Variants in ADGRV1 observed in about 807,000 individuals in gnomAD.
The protein encoded by ADGRV1 is G-protein coupled receptor 98.
ADGRV1 carries 359 observed loss-of-function variants against 596.2 expected under a neutral mutation model. The ratio of observed to expected loss-of-function variants is 0.60; its 90% CI spans 0.55 to 0.66. The LOEUF (loss-of-function observed/expected upper bound fraction) is 0.66, where lower values mean the gene tolerates loss of function less well. Among genes scored for constraint, ADGRV1 ranks in the 30% least tolerant of loss-of-function variants. The pLI is 0.00. For missense variants in ADGRV1, 7,274 were observed against 7,575.6 expected, an observed-to-expected ratio of 0.96 and a Z score of 1.48; for synonymous variants, 2,681 against 2,679.2, an observed-to-expected ratio of 1.00 and a Z score of -0.02.
chr5:90,863,955 T>A (rs1767850758), intron 83 of ADGRV1, 98 bp downstream of exon 83: 1 of 771,346 alleles, frequency 1.3e-6, no homozygotes, highest in Admixed American at 2.3e-5. Context: ...TAATCTCAAC[T>A]TAGTTGAAAT....
At chr5:90,913,075 G>A (rs1309116497) in intron 83 of ADGRV1, among the ~76,000 whole-genome samples, 1 of 152,146 alleles carries the variant, frequency 6.6e-6, no homozygotes, top group Non-Finnish European at 1.5e-5. Flanking sequence ...AATATTCAAT[G>A]TATAAATCAT....
chr5:91,076,461 G>A (rs1158292575), intron 86 of ADGRV1, among the ~76,000 whole-genome samples: 1 of 152,080 alleles, frequency 6.6e-6, no homozygotes, highest in African/African-American at 2.4e-5. Context: ...CTTGCAGAGT[G>A]CTTAGTGGAT....
Position 90,756,441 on chromosome 5 carries a change from C to T in ADGRV1, c.11581-13C>T. On this transcript the variant is annotated splice_polypyrimidine_tract_variant and intron_variant, in intron 55 of 89. Coordinates refer to ENST00000405460, the MANE Select transcript of ADGRV1 (RefSeq NM_032119.4). ...AAAAAAATGAAACACCATCTTTTTC[C>T]CCCATCCCCCAGGATGACCTTCCTG... 6.9e-7 allele frequency: 1 copy of T among 1,447,934 alleles called. No homozygotes were observed. The highest frequency in any genetic ancestry group is 9.1e-7 in the Non-Finnish European group (1 of 1,092,988). 89.7% of individuals were successfully genotyped at this position (1,447,934 alleles called of 1,614,324 possible).
At position 90,627,720 on chromosome 5, in the gene ADGRV1, A is replaced by G. The variant is rs764480038; in HGVS notation, c.1182A>G (p.Ser394=). The G allele has an allele frequency of 1.2e-6, 2 of 1,600,400 alleles. No individual in the cohort carries two copies. The highest frequency in any genetic ancestry group is 2.3e-5 in the South Asian group (2 of 88,300). The change falls in exon 7 of 90, where the codon TCA becomes TCG. Residue 394 remains serine (S), a synonymous_variant. Coordinates refer to ENST00000405460, the MANE Select transcript of ADGRV1 (RefSeq NM_032119.4). ...KPNDKPYGVL[S]FNSVLFERTV... ...ATGATAAACCTTATGGAGTCCTTTC[A>G]TTCAACAGTGTTTTGTTTGAAAGGA...
chr5:90,586,596 G>C (rs1396517119), intron 1 of ADGRV1, among the ~76,000 whole-genome samples: 1 of 152,102 alleles, frequency 6.6e-6, no homozygotes, highest in Non-Finnish European at 1.5e-5. Flanking sequence ...CTGTAAACTG[G>C]AAGTTAGCTC....
intron 83 of ADGRV1, among the ~76,000 whole-genome samples, chr5:90,944,884 G>A (rs968344269): frequency 6.6e-6 from 1 of 152,128 alleles, no homozygotes; most frequent in African/African-American, 2.4e-5. Context: ...AAAATGGGAA[G>A]TCCTTTTGAT....
At chr5:90,823,301 C>G in intron 75 of ADGRV1, 124 bp from the exon 76 acceptor site, 2 of 967,922 alleles carry the variant, frequency 2.1e-6, no homozygotes. Flanking sequence ...AAGTGCTATA[C>G]TTTGGATGAA....
At chr5:90,814,637 C>T (rs1286364697) in intron 74 of ADGRV1, among the ~76,000 whole-genome samples, 1 of 152,088 alleles carries the variant, frequency 6.6e-6, no homozygotes, top group East Asian at 1.9e-4. Flanking sequence ...TCTCTCCTGC[C>T]ACCATATATG....
chr5:90,566,703 C>T (rs969068695), intron 1 of ADGRV1, among the ~76,000 whole-genome samples: 2 of 152,020 alleles, frequency 1.3e-5, no homozygotes, highest in Non-Finnish European at 1.5e-5. Flanking sequence ...TCTTGCTGAA[C>T]TCTTTTATTT....
At chr5:90,988,471 G>C (rs933534350) in intron 85 of ADGRV1, among the ~76,000 whole-genome samples, 2 of 152,036 alleles carry the variant, frequency 1.3e-5, no homozygotes, top group African/African-American at 4.8e-5. Flanking sequence ...TGCTGACTTT[G>C]GTCTACTTTT....
chr5:91,057,961 C>G (rs1787039776), intron 85 of ADGRV1, among the ~76,000 whole-genome samples: 1 of 152,120 alleles, frequency 6.6e-6, no homozygotes, highest in African/African-American at 2.4e-5. Context: ...GTGTGATGTT[C>G]ACTAAACACT....
intron 86 of ADGRV1, among the ~76,000 whole-genome samples, chr5:91,092,888 A>C (rs1408414968): frequency 6.6e-6 from 1 of 152,114 alleles, no homozygotes; most frequent in African/African-American, 2.4e-5. Context: ...AATTAGGATG[A>C]TAGTAGCTAG....
At chr5:90,699,494 A>G (rs1221316018) in intron 34 of ADGRV1, among the ~76,000 whole-genome samples, 2 of 152,178 alleles carry the variant, frequency 1.3e-5, no homozygotes, top group Non-Finnish European at 2.9e-5. Flanking sequence ...TCAGGAAAGG[A>G]TAGACGAGAT....
chr5:90,858,682 C>G (rs940093256), intron 82 of ADGRV1, among the ~76,000 whole-genome samples: 2 of 152,130 alleles, frequency 1.3e-5, no homozygotes, highest in Non-Finnish European at 2.9e-5. Flanking sequence ...AATTTGGCTA[C>G]AAGTAACAGA....
At chr5:91,139,941 G>C (rs1794960066) in intron 87 of ADGRV1, among the ~76,000 whole-genome samples, 1 of 152,142 alleles carries the variant, frequency 6.6e-6, no homozygotes, top group South Asian at 2.1e-4. Flanking sequence ...TCCTTAATCT[G>C]ACTTGCCTGA....
intron 78 of ADGRV1, among the ~76,000 whole-genome samples, chr5:90,842,962 T>C (rs1765562048): frequency 6.6e-6 from 1 of 152,058 alleles, no homozygotes; most frequent in Non-Finnish European, 1.5e-5. Flanking sequence ...ATATTACATA[T>C]GTACATACAG....
intron 83 of ADGRV1, among the ~76,000 whole-genome samples, chr5:90,950,137 A>G (rs1326815530): frequency 1.3e-5 from 2 of 152,178 alleles, no homozygotes; most frequent in African/African-American, 4.8e-5. Flanking sequence ...CCACATCTTA[A>G]ACTGCATTTA....
chr5:90,907,846 T>C (rs1452184463), intron 83 of ADGRV1, among the ~76,000 whole-genome samples: 1 of 152,198 alleles, frequency 6.6e-6, no homozygotes, highest in East Asian at 1.9e-4. Flanking sequence ...CTTATGGAAT[T>C]TGCCAAATTA....
At chr5:91,149,664 C>G (rs1795853513) in intron 87 of ADGRV1, among the ~76,000 whole-genome samples, 1 of 151,892 alleles carries the variant, frequency 6.6e-6, no homozygotes, top group Non-Finnish European at 1.5e-5. Context: ...AAACCCCCGT[C>G]TCTACTAAAA....
Sources: gnomAD v4.1 joint callset for allele counts (sites outside exome capture counted in the v4.1 genomes callset) on GRCh38, gnomAD v4.1.1 for gene constraint, MANE v1.5 for transcripts, NCBI Gene and HGNC (gene_info 2026-07-23, HGNC 2026-07-21) for gene names.